The following XPR1 variants were observed in gnomAD, a reference collection of about 807,000 sequenced individuals.
XPR1 encodes solute carrier family 53 member 1.
XPR1 carries 28 observed loss-of-function variants against 87.5 expected under a neutral mutation model. The ratio of observed to expected loss-of-function variants is 0.32; its 90% CI spans 0.24 to 0.44. XPR1 has a LOEUF of 0.44. XPR1 is among the 20% of genes least tolerant of loss of function. XPR1 has a pLI of 1.00. For missense variants in XPR1, 559 were observed against 862.3 expected (o/e 0.65, Z 4.41); for synonymous variants, 300 against 306.1 (o/e 0.98, Z 0.21).
At chr1:180,778,820 A>G (rs1648828217) in intron 2 of XPR1, among the ~76,000 whole-genome samples, 3 of 152,210 alleles carry the variant, frequency 2.0e-5, no homozygotes, top group Admixed American at 2.0e-4. Flanking sequence ...TTTCCTGGGA[A>G]TTGCTATTTT....
At chr1:180,832,910 C>T (rs375881018) in intron 9 of XPR1, among the ~76,000 whole-genome samples, 15 of 152,188 alleles carry the variant, frequency 9.9e-5, no homozygotes, top group East Asian at 7.7e-4. Flanking sequence ...AAATCAATGG[C>T]AGTTTGATAG....
intron 2 of XPR1, among the ~76,000 whole-genome samples, chr1:180,772,927 TAAC>T (rs1648575493): frequency 6.6e-6 from 1 of 152,208 alleles, no homozygotes; most frequent in Non-Finnish European, 1.5e-5. Context: ...GCATATATAT[TAAC>T]AACCATGAGT....
At chr1:180,783,410 C>T (rs1389199265) in intron 2 of XPR1, among the ~76,000 whole-genome samples, 2 of 151,750 alleles carry the variant, frequency 1.3e-5, no homozygotes, top group Admixed American at 6.6e-5. Flanking sequence ...TTTATGAATA[C>T]CTTTTCATTT....
At chr1:180,716,122 C>T (rs1657985922) in intron 2 of XPR1, among the ~76,000 whole-genome samples, 1 of 151,988 alleles carries the variant, frequency 6.6e-6, no homozygotes, top group South Asian at 2.1e-4. Flanking sequence ...ATATCAGCTA[C>T]AGAGTTTTGG....
chr1:180,731,665 A>C (rs577166618), intron 2 of XPR1, among the ~76,000 whole-genome samples: 2 of 152,212 alleles, frequency 1.3e-5, no homozygotes, highest in Non-Finnish European at 2.9e-5. Flanking sequence ...ATTTAATACT[A>C]TTTTATTTAA....
chr1:180,706,027 T>C (rs1275304229), intron 2 of XPR1, among the ~76,000 whole-genome samples: 1 of 152,212 alleles, frequency 6.6e-6, no homozygotes, highest in African/African-American at 2.4e-5. Flanking sequence ...GAATGCACAT[T>C]TCTAAGACAT....
chr1:180,673,592 C>G (rs1656260958), intron 1 of XPR1, among the ~76,000 whole-genome samples: 1 of 152,258 alleles, frequency 6.6e-6, no homozygotes, highest in African/African-American at 2.4e-5. Context: ...GTATTACCGC[C>G]TGAGCTCTGC....
chr1:180,876,770 C>G (rs191709139), intron 13 of XPR1, among the ~76,000 whole-genome samples: 354 of 151,874 alleles, frequency 2.3e-3, no homozygotes, highest in Non-Finnish European at 3.0e-3. Flanking sequence ...TCTACAAAAA[C>G]ACAATCAAGA....
chr1:180,759,135 A>G (rs1647883647), intron 2 of XPR1, among the ~76,000 whole-genome samples: 1 of 152,248 alleles, frequency 6.6e-6, no homozygotes, highest in South Asian at 2.1e-4. Flanking sequence ...AAGGAAATTT[A>G]TAGCACTAAA....
intron 2 of XPR1, among the ~76,000 whole-genome samples, chr1:180,786,048 T>C (rs112315447): frequency 3.0e-4 from 45 of 151,946 alleles, no homozygotes; most frequent in African/African-American, 1.1e-3. Flanking sequence ...ATAGCCCTTA[T>C]TGTACCTAGA....
chr1:180,887,815 G>A lies in XPR1; in HGVS notation c.*3749G>A, dbSNP rs1469128819. 1 of 152,204 alleles carries A rather than the reference G, an allele frequency of 6.6e-6. No individual in the cohort carries two copies. The highest frequency in any genetic ancestry group is 1.5e-5 in the Non-Finnish European group (1 of 68,038). The allele number at this position is 152,204 out of a possible 1,614,324, so 9.4% of individuals were successfully genotyped here. ...AGCTCTTTACCAGAAGTAACGTGTT[G>A]ATGTATATTATCTTTCCACCATGCT... On this transcript the variant is annotated 3_prime_UTR_variant, in exon 15 of 15. Transcript: ENST00000367590.
chr1:180,645,047 A>C (rs1655068081), intron 1 of XPR1, among the ~76,000 whole-genome samples: 1 of 152,200 alleles, frequency 6.6e-6, no homozygotes, highest in African/African-American at 2.4e-5. Flanking sequence ...CAGGCTTTTC[A>C]GTGCTTTTGT....
rs577835178 is a variant in XPR1 at position 180,808,922 on chromosome 1, C to T, written c.681+2365C>T. Among the ~76,000 whole-genome samples the T allele has an allele frequency of 7.9e-5, 12 of 152,280 alleles. No individual in the cohort carries two copies. The South Asian group carries it at 2.5e-3, about 32-fold the overall frequency. On this transcript the variant is annotated intron_variant, in intron 6 of 14. Coordinates refer to ENST00000367590, the MANE Select transcript of XPR1 (RefSeq NM_004736.4). ...CACCTGCCATATGGTCTAGCTATTA[C>T]ACTCCTAGGTATTTACCCAAGACAA...
chr1:180,826,886 G>C (rs963008060), intron 9 of XPR1, among the ~76,000 whole-genome samples: 10 of 151,890 alleles, frequency 6.6e-5, no homozygotes, highest in Non-Finnish European at 1.5e-4. Context: ...AGGTGCAGTG[G>C]CTCACGCCTG....
chr1:180,702,581 G>A (rs1657381840), intron 2 of XPR1, among the ~76,000 whole-genome samples: 1 of 151,804 alleles, frequency 6.6e-6, no homozygotes, highest in African/African-American at 2.4e-5. Flanking sequence ...TGTTGTTGAA[G>A]CTCTCGATTG....
At chr1:180,815,093 GTTGT>G (rs1425717113) in intron 7 of XPR1, among the ~76,000 whole-genome samples, 6 of 151,932 alleles carry the variant, frequency 3.9e-5, no homozygotes, top group Admixed American at 1.3e-4. Flanking sequence ...TATGGTGGGG[GTTGT>G]TCTTTCTATA....
rs190609756 is a variant in XPR1, at chr1:180,739,900, T to C, written c.122-47853T>C. ...AGACTATAGGCGCTTTTGATGGAGA[T>C]GGGGTTTCACCATATTGGCCAGGCT... On this transcript the variant is annotated intron_variant, in intron 2 of 14. Transcript: ENST00000367590. Among the ~76,000 whole-genome samples, 212 of 152,146 alleles carry C rather than the reference T, an allele frequency of 1.4e-3. 3 individuals carry two copies. Among genetic ancestry groups the C allele is most frequent in the East Asian group, 5.8e-4 (3 of 5,174 alleles).
intron 2 of XPR1, among the ~76,000 whole-genome samples, chr1:180,706,341 G>A (rs577430909): frequency 6.6e-6 from 1 of 152,062 alleles, no homozygotes; most frequent in Non-Finnish European, 1.5e-5. Flanking sequence ...TGAGTTTCCG[G>A]CTCTACTTTT....
At chr1:180,825,730 T>G (rs1310961875) in intron 9 of XPR1, among the ~76,000 whole-genome samples, 1 of 152,226 alleles carries the variant, frequency 6.6e-6, no homozygotes, top group Non-Finnish European at 1.5e-5. Flanking sequence ...TAGGAATATC[T>G]TACCAGATTA....
Sources: gnomAD v4.1 joint callset for allele counts (sites outside exome capture counted in the v4.1 genomes callset) on GRCh38, gnomAD v4.1.1 for gene constraint, MANE v1.5 for transcripts, NCBI Gene and HGNC (gene_info 2026-07-23, HGNC 2026-07-21) for gene names.